The following TTC23 variants were observed in gnomAD, a reference collection of about 807,000 sequenced individuals.
The protein encoded by TTC23 is tetratricopeptide repeat protein 23.
In TTC23, 58 loss-of-function variants were observed where a neutral mutation model predicts 55.1. The ratio of observed to expected loss-of-function variants is 1.05; its 90% CI spans 0.85 to 1.31. The LOEUF (loss-of-function observed/expected upper bound fraction) is 1.31, where lower values mean the gene tolerates loss of function less well. TTC23 is among the 50% of genes most tolerant of loss of function. TTC23 has a pLI of 0.00. For missense variants in TTC23, 516 were observed against 534.4 expected, an observed-to-expected ratio of 0.97 and a Z score of 0.34; for synonymous variants, 203 against 199.9, an observed-to-expected ratio of 1.02 and a Z score of -0.13.
At chr15:99,221,660 T>C (rs953648504) in intron 6 of TTC23, 81 bp downstream of exon 6, 2 of 1,566,714 alleles carry the variant, frequency 1.3e-6, no homozygotes, top group African/African-American at 1.4e-5. Context: ...AACCTGATCC[T>C]TCTAATTAAG....
Position 99,187,452 on chromosome 15 carries a change from C to CAAAAAAAAAAAAAAAAAAA in TTC23, c.760-12298_760-12297insTTTTTTTTTTTTTTTTTTT, listed in dbSNP as rs66568931. On this transcript the variant is annotated intron_variant, in intron 9 of 13. Transcript: ENST00000394132. ...GGAGATGTGATGCCAAAAGCACAAG[C>CAAAAAAAAAAAAAAAAAAA]AAAAAAAAAAAAAAAACAAAACAAA... is the stretch of plus-strand genomic sequence containing the variant. 1.5e-3 allele frequency among the ~76,000 whole-genome samples: 65 copies of CAAAAAAAAAAAAAAAAAAA among 44,466 alleles called. 5 individuals are homozygous for CAAAAAAAAAAAAAAAAAAA. Among genetic ancestry groups the CAAAAAAAAAAAAAAAAAAA allele is most frequent in the East Asian group, 2.0e-3 (3 of 1,488 alleles). The allele number at this position is 44,466 out of a possible 152,430, so 29.2% of individuals were successfully genotyped here. A position where few individuals can be genotyped will look rare whatever the true frequency, so the allele number is the denominator to read the frequency against.
intron 3 of TTC23, among the ~76,000 whole-genome samples, chr15:99,239,697 A>G (rs1031936597): frequency 6.6e-6 from 1 of 152,158 alleles, no homozygotes; most frequent in African/African-American, 2.4e-5. Context: ...GGCTGATAAG[A>G]TGACCATTTC....
At chr15:99,140,982 G>T (rs1049778471) in intron 12 of TTC23, 3 of 152,120 alleles carry the variant, frequency 2.0e-5, no homozygotes, top group Admixed American at 6.5e-5. Context: ...GAAATCTGAT[G>T]AAATAAACAT....
At chr15:99,223,499 G>T (rs1452296806) in intron 5 of TTC23, among the ~76,000 whole-genome samples, 1 of 152,176 alleles carries the variant, frequency 6.6e-6, no homozygotes, top group Non-Finnish European at 1.5e-5. Context: ...GCTTTAGAAT[G>T]AAATCAAGCC....
chr15:99,146,251 T>C (rs975161973), intron 12 of TTC23, among the ~76,000 whole-genome samples: 1 of 152,226 alleles, frequency 6.6e-6, no homozygotes, highest in African/African-American at 2.4e-5. Flanking sequence ...AGCCGGCTTT[T>C]TGTATAAAAG....
At chr15:99,139,485 T>C (rs1432428808) in intron 12 of TTC23, 86 bp from the exon 13 acceptor site, 2 of 1,587,596 alleles carry the variant, frequency 1.3e-6, no homozygotes, top group African/African-American at 2.7e-5. Flanking sequence ...GAGAGAAAGA[T>C]GACCTCATTC....
intron 4 of TTC23, among the ~76,000 whole-genome samples, chr15:99,234,536 A>G (rs996108800): frequency 6.6e-6 from 1 of 151,918 alleles, no homozygotes; most frequent in South Asian, 2.1e-4. Context: ...ATGCCTGGCT[A>G]AATTTTTTTG....
intron 1 of TTC23, among the ~76,000 whole-genome samples, chr15:99,248,629 C>T (rs558337375): frequency 6.6e-6 from 1 of 152,186 alleles, no homozygotes; most frequent in Non-Finnish European, 1.5e-5. Context: ...CAACAGTCAT[C>T]CGGGCATTAA....
intron 8 of TTC23, among the ~76,000 whole-genome samples, chr15:99,215,759 GAAGA>G (rs2077432255): frequency 6.6e-6 from 1 of 151,438 alleles, no homozygotes; most frequent in African/African-American, 2.4e-5. Context: ...AAAAAGAAAA[GAAGA>G]AAGAAAATAA....
At chr15:99,145,534 CAG>C (rs1409489871) in intron 12 of TTC23, among the ~76,000 whole-genome samples, 4 of 139,996 alleles carry the variant, frequency 2.9e-5, no homozygotes, top group East Asian at 2.0e-4. Context: ...GAAAAACAAA[CAG>C]GGCAGGATGG....
rs111714396 is a variant in TTC23 at position 99,150,930 on chromosome 15, G to A, written c.1143+5218C>T. The stretch of plus-strand genomic sequence containing the variant: ...GTACTTTGCTGTCTTGCCTCTGAGC[G>A]TCCTTCTTCCAACCCACCAGCCTGG... On this transcript the variant is annotated intron_variant, in intron 12 of 13. Transcript: ENST00000394132. 5.4e-3 allele frequency among the ~76,000 whole-genome samples: 822 copies of A among 152,178 alleles called. 6 individuals carry two copies. Among genetic ancestry groups the A allele is most frequent in the African/African-American group, 0.019 (775 of 41,508 alleles).
intron 6 of TTC23, among the ~76,000 whole-genome samples, chr15:99,219,632 CA>C (rs904063901): frequency 6.6e-6 from 1 of 150,750 alleles, no homozygotes; most frequent in African/African-American, 2.4e-5. Context: ...CAAAGTGGAG[CA>C]AAAAAAAATC....
At chr15:99,205,448 C>G (rs907447157) in intron 8 of TTC23, among the ~76,000 whole-genome samples, 1 of 151,958 alleles carries the variant, frequency 6.6e-6, no homozygotes, top group East Asian at 1.9e-4. Context: ...TTTTGCATGT[C>G]CTCTTCATTT....
chr15:99,197,338 G>C (rs1440496166), intron 9 of TTC23, among the ~76,000 whole-genome samples: 1 of 152,010 alleles, frequency 6.6e-6, no homozygotes, highest in South Asian at 2.1e-4. Flanking sequence ...TCCTGACCTT[G>C]TGATCCACCC....
At position 99,146,945 on chromosome 15, in the gene TTC23, C is replaced by T. The variant is rs557194135; in HGVS notation, c.1144-7546G>A. Among the ~76,000 whole-genome samples, 33 of 152,300 alleles carry T rather than the reference C, an allele frequency of 2.2e-4. No individual in the cohort carries two copies. In the East Asian group the frequency reaches 2.3e-3, roughly 11 times the overall value. On this transcript the variant is annotated intron_variant, in intron 12 of 13. Transcript: ENST00000394132. ...ATTCTTGTTTTTTGAGACGGAGTCT[C>T]GCTCTGTTTCCCAGGCTGGAGTGCA...
rs1567301855 is a variant in TTC23, at chr15:99,139,400, C to G, written c.1144-1G>C. ...ATAAGAGGGTCTGGATCTGGAGACA[C>G]TGTAGAACACCAAGCAGCTATCATG... is the stretch of plus-strand genomic sequence containing the variant. On this transcript the variant is annotated splice_acceptor_variant, in intron 12 of 13. Transcript: ENST00000394132. LOFTEE classifies it high-confidence loss of function. The G allele has an allele frequency of 1.2e-6, 2 of 1,614,136 alleles. No individual in the cohort carries two copies. The highest frequency in any genetic ancestry group is 8.5e-7 in the Non-Finnish European group (1 of 1,180,020).
chr15:99,167,056 C>T (rs561376014), intron 10 of TTC23, among the ~76,000 whole-genome samples: 8 of 152,204 alleles, frequency 5.3e-5, no homozygotes, highest in African/African-American at 1.7e-4. Flanking sequence ...ACATGAGCAG[C>T]CTTTGACGGG....
intron 8 of TTC23, among the ~76,000 whole-genome samples, chr15:99,215,548 C>T (rs991089267): frequency 4.6e-5 from 7 of 152,012 alleles, no homozygotes; most frequent in African/African-American, 1.7e-4. Flanking sequence ...AGTTCAAGAC[C>T]AGGCTGGGCA....
chr15:99,235,433 C>T (rs975352444), intron 3 of TTC23, among the ~76,000 whole-genome samples: 17 of 149,818 alleles, frequency 1.1e-4, no homozygotes, highest in Admixed American at 8.7e-4. Flanking sequence ...TGCAGTGGCG[C>T]GATCTCGGCT....
Sources: allele counts gnomAD v4.1 joint callset (sites outside exome capture counted in the v4.1 genomes callset), GRCh38; gene constraint gnomAD v4.1.1; transcripts MANE v1.5; gene names NCBI Gene and HGNC (gene_info 2026-07-23, HGNC 2026-07-21).